The following PRSS48 variants were observed in gnomAD, a reference collection of about 807,000 sequenced individuals.
The protein encoded by PRSS48 is epidermis-specific serine protease-like protein.
In PRSS48, 21 loss-of-function variants were observed where a neutral mutation model predicts 25.6. The observed-to-expected ratio is 0.82, with a 90% CI of 0.58 to 1.18. PRSS48 has a LOEUF of 1.18. Among genes scored for constraint, PRSS48 ranks in the 50% most tolerant of loss-of-function variants. The pLI is 0.00. For synonymous variants in PRSS48, 150 were observed against 149.3 expected (o/e 1.00, Z -0.04); for missense variants, 373 against 399.3 (o/e 0.93, Z 0.56).
chr4:151,277,974 G>A (rs1773807554), intron 1 of PRSS48, among the ~76,000 whole-genome samples: 2 of 152,304 alleles, frequency 1.3e-5, no homozygotes, highest in Non-Finnish European at 2.9e-5. Flanking sequence ...CTGGAAAGTG[G>A]AGGTTGCAGT....
At chr4:151,284,966 T>G (rs1301620302) in intron 4 of PRSS48, among the ~76,000 whole-genome samples, 17 of 152,220 alleles carry the variant, frequency 1.1e-4, no homozygotes. Context: ...TATATTTCCC[T>G]GCACTTTCCA....
intron 4 of PRSS48, among the ~76,000 whole-genome samples, chr4:151,289,013 G>A (rs1775079522): frequency 6.6e-6 from 1 of 152,230 alleles, no homozygotes. Flanking sequence ...TCAAGCCAGT[G>A]TGGTACTAGC....
In PRSS48 at chr4:151,279,856, G is replaced by A. The variant is rs752764761; in HGVS notation, c.113G>A (p.Arg38His). ...GGTGGCCAGGATGCTGCTGCAGGGC[G>A]CTGGCCTTGGCAGGTCAGCCTACAC... The change falls in exon 2 of 5, where the codon CGC becomes CAC. Residue 38 changes from arginine to histidine, a missense_variant. Coordinates refer to ENST00000455694, the Ensembl canonical transcript of PRSS48. 6.3e-6 allele frequency: 10 copies of A among 1,593,852 alleles called. No individual in the cohort carries two copies. Among genetic ancestry groups the A allele is most frequent in the Admixed American group, 3.4e-5 (2 of 58,862 alleles).
At chr4:151,277,192 C>T in exon 1 of PRSS48, 1 of 1,497,578 alleles carries the variant, frequency 6.7e-7, no homozygotes, top group Non-Finnish European at 9.0e-7. Context: ...GCTGGCTGTG[C>T]CTTCACGCTG....
intron 1 of PRSS48, chr4:151,279,046 C>G (rs549709994): frequency 2.6e-6 from 1 of 382,680 alleles, no homozygotes; most frequent in Non-Finnish European, 5.0e-6. Context: ...ATGTAGTGTG[C>G]TGTTGTCAGT....
intron 4 of PRSS48, among the ~76,000 whole-genome samples, chr4:151,287,709 AC>A (rs1279445178): frequency 6.6e-6 from 1 of 152,178 alleles, no homozygotes; most frequent in Non-Finnish European, 1.5e-5. Flanking sequence ...AGACTGGGCA[AC>A]ATAGTGAGAC....
chr4:151,280,562 T>C (rs560180721), intron 2 of PRSS48, among the ~76,000 whole-genome samples: 16 of 152,224 alleles, frequency 1.1e-4, no homozygotes, highest in Non-Finnish European at 1.8e-4. Flanking sequence ...TAACTTATTA[T>C]GCAACAATTG....
rs372701461 is a variant in PRSS48, at chr4:151,283,305, G to T, written c.651+19G>T. On this transcript the variant is annotated intron_variant, in intron 4 of 4. Transcript: ENST00000455694. ...TTGCAAGGTCAGGGTTTGCTCTAGA[G>T]AATTTTTTTTTAAACATGAGATCTT... 5.0e-6 allele frequency: 8 copies of T among 1,606,956 alleles called. No homozygotes were observed. Among genetic ancestry groups the T allele is most frequent in the South Asian group, 3.3e-5 (3 of 90,400 alleles).
Position 151,289,182 on chromosome 4 carries a change from C to T in PRSS48, c.652-1936C>T, listed in dbSNP as rs190643072. On this transcript the variant is annotated intron_variant, in intron 4 of 4. Coordinates refer to ENST00000455694, the Ensembl canonical transcript of PRSS48. The stretch of plus-strand genomic sequence containing the variant: ...TGATGCTGGGACAAGTAGACAACCA[C>T]ATGCAAAAGAATGAACTTGGACCCT... Among the ~76,000 whole-genome samples, 243 of 152,268 alleles carry T rather than the reference C, an allele frequency of 1.6e-3. 1 individual carries two copies. The Middle Eastern group carries it at 0.017, about 11-fold the overall frequency.
chr4:151,278,348 A>T (rs1242484186), intron 1 of PRSS48, among the ~76,000 whole-genome samples: 1 of 151,884 alleles, frequency 6.6e-6, no homozygotes, highest in Non-Finnish European at 1.5e-5. Context: ...AGCCCACTGC[A>T]ACCTCAGACT....
exon 2 of PRSS48, chr4:151,279,920 T>G: frequency 1.9e-6 from 3 of 1,613,628 alleles, no homozygotes; most frequent in Non-Finnish European, 2.5e-6. Context: ...CCCTCGTCAG[T>G]GAGAGGTTGA....
intron 1 of PRSS48, among the ~76,000 whole-genome samples, chr4:151,278,277 T>TC (rs1377786032): frequency 6.6e-6 from 1 of 152,050 alleles, no homozygotes; most frequent in African/African-American, 2.4e-5. Flanking sequence ...ATAGAGCATT[T>TC]TTTTTTTAAG....
At chr4:151,291,418 G>A in exon 5 of PRSS48, 1 of 1,613,406 alleles carries the variant, frequency 6.2e-7, no homozygotes, top group African/African-American at 1.3e-5. Flanking sequence ...GGGCTGGGAA[G>A]AGAATGCATG....
rs374553207 is a variant in PRSS48 at position 151,277,244 on chromosome 4, T to G, written c.52+20T>G. The G allele has an allele frequency of 1.3e-6, 2 of 1,487,626 alleles. No individual in the cohort carries two copies. Among genetic ancestry groups the G allele is most frequent in the Admixed American group, 2.0e-5 (1 of 51,102 alleles). 92.2% of individuals were successfully genotyped at this position (1,487,626 alleles called of 1,614,324 possible). On this transcript the variant is annotated intron_variant, in intron 1 of 4. Coordinates refer to ENST00000455694, the Ensembl canonical transcript of PRSS48. Reference sequence around the variant, plus strand: ...TCTCAGGTGAGCGCCAGGGTGGGGTTGAGAAGGCAGAGGCAGAGGATTTTT... The same window carrying G: ...TCTCAGGTGAGCGCCAGGGTGGGGTGGAGAAGGCAGAGGCAGAGGATTTTT...
chr4:151,288,010 A>G (rs1774987951), intron 4 of PRSS48, among the ~76,000 whole-genome samples: 1 of 152,098 alleles, frequency 6.6e-6, no homozygotes, highest in Non-Finnish European at 1.5e-5. Context: ...TCTTAGAATA[A>G]AGAGCAAAAA....
chr4:151,291,173 G>C (rs758386774), exon 5 of PRSS48: 1 of 1,613,804 alleles, frequency 6.2e-7, no homozygotes, highest in African/African-American at 1.3e-5. Flanking sequence ...ATCCAGACAG[G>C]AGTAGTAAGC....
At chr4:151,280,462 G>A (rs1033053303) in intron 2 of PRSS48, among the ~76,000 whole-genome samples, 2 of 152,162 alleles carry the variant, frequency 1.3e-5, no homozygotes, top group Non-Finnish European at 2.9e-5. Context: ...GAGAAACCTT[G>A]AGTCAATGGT....
intron 4 of PRSS48, among the ~76,000 whole-genome samples, chr4:151,283,529 T>TA (rs1287653710): frequency 1.0e-5 from 1 of 97,578 alleles, no homozygotes; most frequent in African/African-American, 3.1e-5. Context: ...TTTTTTTTTT[T>TA]AAATTAGAGA....
At position 151,286,184 on chromosome 4, in the gene PRSS48, G is replaced by GAAAAAAA. The variant is rs56850648; in HGVS notation, c.651+2912_651+2918dup. ...TGACACAGTGAGACCCTGTCTTAAA[G>GAAAAAAA]AAAAAAAAAAAAAAAAAAAACAACT... On this transcript the variant is annotated intron_variant, in intron 4 of 4. Transcript: ENST00000455694. 3.4e-3 allele frequency among the ~76,000 whole-genome samples: 297 copies of GAAAAAAA among 86,594 alleles called. 1 individual carries two copies. The highest frequency in any genetic ancestry group is 4.5e-3 in the Non-Finnish European group (220 of 48,828). The allele number at this position is 86,594 out of a possible 152,430, so 56.8% of individuals were successfully genotyped here.
Sources: allele counts gnomAD v4.1 joint callset (sites outside exome capture counted in the v4.1 genomes callset), GRCh38; gene constraint gnomAD v4.1.1; transcripts MANE v1.5; gene names NCBI Gene and HGNC (gene_info 2026-07-23, HGNC 2026-07-21).